Variants in SLC25A13 observed in about 807,000 individuals in gnomAD.
The protein encoded by SLC25A13 is solute carrier family 25 member 13, also known as electrogenic aspartate/glutamate antiporter SLC25A13, mitochondrial.
In SLC25A13, 70 loss-of-function variants were observed where a neutral mutation model predicts 85.5. That is an observed-to-expected ratio of 0.82 (90% confidence interval 0.68 to 1.00). The LOEUF (loss-of-function observed/expected upper bound fraction) is 1.00, where lower values mean the gene tolerates loss of function less well. SLC25A13 is among the 50% of genes least tolerant of loss of function. The probability of loss-of-function intolerance (pLI) is 0.00; values close to 1 mark genes in which losing one functional copy is unlikely to be tolerated. For missense variants in SLC25A13, 765 were observed against 819.8 expected (o/e 0.93, Z 0.82); for synonymous variants, 259 against 288.7 (o/e 0.90, Z 1.04).
chr7:96,162,468 C>T (rs1417920135), intron 13 of SLC25A13, among the ~76,000 whole-genome samples: 1 of 152,110 alleles, frequency 6.6e-6, no homozygotes, highest in African/African-American at 2.4e-5. Context: ...TAAGCAAAGT[C>T]ATTAATATCT....
chr7:96,274,870 CT>C (rs1373133909), intron 3 of SLC25A13, among the ~76,000 whole-genome samples: 2 of 152,112 alleles, frequency 1.3e-5, no homozygotes, highest in East Asian at 3.9e-4. Flanking sequence ...TGGTCTATAT[CT>C]CTGTTTTGGT....
chr7:96,225,534 A>T (rs1272869174), intron 4 of SLC25A13, among the ~76,000 whole-genome samples: 1 of 33,688 alleles, frequency 3.0e-5, no homozygotes, highest in Non-Finnish European at 1.1e-4. Flanking sequence ...GTTTCAAAAG[A>T]AAAAAAAAAA....
intron 5 of SLC25A13, among the ~76,000 whole-genome samples, chr7:96,202,183 A>AT (rs548415670): frequency 4.9e-4 from 75 of 152,332 alleles, no homozygotes; most frequent in African/African-American, 1.7e-3. Flanking sequence ...CAACCAGGTT[A>AT]TCACGGGACT....
At chr7:96,123,425 A>G (rs1230209020) in intron 15 of SLC25A13, among the ~76,000 whole-genome samples, 1 of 152,240 alleles carries the variant, frequency 6.6e-6, no homozygotes, top group Non-Finnish European at 1.5e-5. Flanking sequence ...CAGGCATGTC[A>G]GACTGTGACT....
intron 15 of SLC25A13, among the ~76,000 whole-genome samples, chr7:96,124,431 T>C (rs2116394676): frequency 6.6e-6 from 1 of 152,340 alleles, no homozygotes; most frequent in South Asian, 2.1e-4. Flanking sequence ...TTCTTCATAC[T>C]TTGAAGCTGA....
intron 2 of SLC25A13, among the ~76,000 whole-genome samples, chr7:96,287,580 T>G (rs1798939441): frequency 6.6e-6 from 1 of 152,176 alleles, no homozygotes; most frequent in African/African-American, 2.4e-5. Flanking sequence ...TGAAAGTGGA[T>G]GTAGCAGCTG....
At chr7:96,153,170 A>G (rs1793116483) in intron 13 of SLC25A13, among the ~76,000 whole-genome samples, 1 of 152,210 alleles carries the variant, frequency 6.6e-6, no homozygotes, top group South Asian at 2.1e-4. Flanking sequence ...TTGGGGGATA[A>G]ATTTGTTACA....
intron 15 of SLC25A13, among the ~76,000 whole-genome samples, chr7:96,124,074 C>T (rs1461159479): frequency 6.6e-6 from 1 of 152,164 alleles, no homozygotes; most frequent in Non-Finnish European, 1.5e-5. Flanking sequence ...CATCCACCAC[C>T]TCTGTGACAG....
intron 2 of SLC25A13, among the ~76,000 whole-genome samples, chr7:96,290,510 T>G (rs1257487541): frequency 6.6e-6 from 1 of 151,498 alleles, no homozygotes; most frequent in African/African-American, 2.4e-5. Flanking sequence ...GACCCATCAG[T>G]GTGCTGTATT....
At chr7:96,135,242 T>G (rs140169452) in intron 14 of SLC25A13, among the ~76,000 whole-genome samples, 2 of 152,300 alleles carry the variant, frequency 1.3e-5, no homozygotes, top group African/African-American at 4.8e-5. Flanking sequence ...GGGCTGTGTC[T>G]CCCTGCCTCT....
chr7:96,301,391 C>A (rs1400422551), intron 1 of SLC25A13, among the ~76,000 whole-genome samples: 1 of 152,042 alleles, frequency 6.6e-6, no homozygotes, highest in African/African-American at 2.4e-5. Context: ...CTTTATGATT[C>A]TTCTTCTGAA....
chr7:96,296,580 A>C (rs1451057488), intron 2 of SLC25A13, among the ~76,000 whole-genome samples: 1 of 151,738 alleles, frequency 6.6e-6, no homozygotes, highest in Non-Finnish European at 1.5e-5. Flanking sequence ...TCCCAGGTTC[A>C]AGCGATTCTC....
chr7:96,301,025 C>A (rs1257397888), intron 1 of SLC25A13, among the ~76,000 whole-genome samples: 1 of 152,148 alleles, frequency 6.6e-6, no homozygotes, highest in Non-Finnish European at 1.5e-5. Flanking sequence ...ATGAGATGTA[C>A]CAGTTTTTTA....
Position 96,289,784 on chromosome 7 carries a change from C to T in SLC25A13, c.69+7114G>A, listed in dbSNP as rs532082165. Among the ~76,000 whole-genome samples the T allele has an allele frequency of 2.0e-4, 31 of 152,258 alleles. No homozygotes were observed. In the East Asian group the frequency reaches 2.1e-3, roughly 10 times the overall value. On this transcript the variant is annotated intron_variant, in intron 2 of 17. Coordinates refer to ENST00000265631, the MANE Select transcript of SLC25A13 (RefSeq NM_014251.3). ...GTGAAAAGACCAAATCTATGTCTGA[C>T]TGGTGTACCTGAAAGTGATGGGGAG...
At chr7:96,282,053 A>G (rs988467494) in intron 2 of SLC25A13, among the ~76,000 whole-genome samples, 6 of 152,140 alleles carry the variant, frequency 3.9e-5, no homozygotes, top group African/African-American at 1.4e-4. Context: ...AATGTCATTA[A>G]TCCTTCTTTG....
At chr7:96,134,463 G>A (rs998051644) in intron 14 of SLC25A13, among the ~76,000 whole-genome samples, 1 of 152,100 alleles carries the variant, frequency 6.6e-6, no homozygotes, top group Non-Finnish European at 1.5e-5. Context: ...AGAAAGAGAA[G>A]CAGATTAACC....
chr7:96,162,177 A>G (rs1435941245), intron 13 of SLC25A13, among the ~76,000 whole-genome samples: 3 of 152,236 alleles, frequency 2.0e-5, no homozygotes, highest in African/African-American at 7.2e-5. Flanking sequence ...ATCGCGAAGT[A>G]AGACTTAAAT....
chr7:96,200,420 A>G (rs1795211442), intron 5 of SLC25A13, among the ~76,000 whole-genome samples: 1 of 152,238 alleles, frequency 6.6e-6, no homozygotes, highest in African/African-American at 2.4e-5. Context: ...TAATTTGAAG[A>G]AAAACATTCT....
chr7:96,208,733 C>T, intron 5 of SLC25A13, 105 bp downstream of exon 5: 2 of 1,308,412 alleles, frequency 1.5e-6, no homozygotes, highest in Non-Finnish European at 2.2e-6. Flanking sequence ...TCTCGATCTC[C>T]TGACCTCGTC....
Sources: gnomAD v4.1 joint callset for allele counts (sites outside exome capture counted in the v4.1 genomes callset) on GRCh38, gnomAD v4.1.1 for gene constraint, MANE v1.5 for transcripts, NCBI Gene and HGNC (gene_info 2026-07-23, HGNC 2026-07-21) for gene names.